Variants in AGBL1 observed in about 807,000 individuals in gnomAD.
AGBL1 encodes the protein AGBL carboxypeptidase 1, also known as cytosolic carboxypeptidase 4.
In AGBL1, 130 loss-of-function variants were observed where a neutral mutation model predicts 118.9. That is an observed-to-expected ratio of 1.09 (90% CI 0.95 to 1.26). The LOEUF (loss-of-function observed/expected upper bound fraction) is 1.26. Among genes scored for constraint, AGBL1 ranks in the 50% most tolerant of loss-of-function variants. The pLI is 0.00. For missense variants in AGBL1, 1,584 were observed against 1,298.1 expected, an observed-to-expected ratio of 1.22 and a Z score of -3.38; for synonymous variants, 555 against 478.9, an observed-to-expected ratio of 1.16 and a Z score of -2.08.
chr15:86,728,056 A>G (rs2142740987), intron 22 of AGBL1, among the ~76,000 whole-genome samples: 1 of 152,344 alleles, frequency 6.6e-6, no homozygotes, highest in South Asian at 2.1e-4. Context: ...TAGCATGTAC[A>G]ATGAACCTAT....
In AGBL1 at chr15:86,247,821, C is replaced by T. The variant is rs1685240184; in HGVS notation, c.677C>T (p.Ser226Phe). 6.2e-7 allele frequency: 1 copy of T among 1,613,858 alleles called. No homozygotes were observed. Among genetic ancestry groups the T allele is most frequent in the Non-Finnish European group, 8.5e-7 (1 of 1,179,900 alleles). ...LCLRHIAALR[S>F]GREAFLAAQG... ...CTCAGGCACATTGCTGCCCTCCGGT[C>T]CGGCAGGGAGGCCTTCCTGGCAGCA... Residue 226 changes from serine (S) to phenylalanine (F), a missense_variant, in exon 7 of 23, where the codon TCC (serine) becomes TTC (phenylalanine). Physicochemically the swap from Ser to Phe is radical, Grantham distance 155. Transcript: ENST00000614907.
intron 24 of AGBL1, among the ~76,000 whole-genome samples, chr15:87,010,272 A>G (rs1003553927): frequency 8.5e-5 from 13 of 152,162 alleles, no homozygotes; most frequent in African/African-American, 3.1e-4. Context: ...TCCCTGCACA[A>G]ACTCTCTTCA....
intron 21 of AGBL1, among the ~76,000 whole-genome samples, chr15:86,653,407 C>T (rs141590988): frequency 2.6e-5 from 4 of 152,282 alleles, no homozygotes; most frequent in African/African-American, 9.6e-5. Flanking sequence ...TTGTATTATT[C>T]TCAAGCCCTA....
chr15:86,942,263 A>G (rs1002125090), intron 23 of AGBL1, among the ~76,000 whole-genome samples: 3 of 152,172 alleles, frequency 2.0e-5, no homozygotes, highest in African/African-American at 7.2e-5. Flanking sequence ...CACCCATAGC[A>G]ATTGTGCTTG....
intron 22 of AGBL1, among the ~76,000 whole-genome samples, chr15:86,692,609 A>AT (rs1041536009): frequency 2.4e-4 from 37 of 151,830 alleles, no homozygotes; most frequent in African/African-American, 6.5e-4. Flanking sequence ...CTTCTTTCAA[A>AT]TTTTTTTTTA....
chr15:86,687,239 C>T (rs1380309730), intron 22 of AGBL1, among the ~76,000 whole-genome samples: 1 of 152,054 alleles, frequency 6.6e-6, no homozygotes, highest in Non-Finnish European at 1.5e-5. Flanking sequence ...CTGCTGTGAG[C>T]CTCAAGAACT....
intron 21 of AGBL1, among the ~76,000 whole-genome samples, chr15:86,589,421 T>C (rs2084301867): frequency 6.6e-6 from 1 of 152,078 alleles, no homozygotes; most frequent in Non-Finnish European, 1.5e-5. Context: ...CCATGATAAA[T>C]GGTTAAATTT....
rs1054641785 is a variant in AGBL1, at chr15:86,446,410, T to G, written c.2555+48864T>G. On this transcript the variant is annotated intron_variant, in intron 18 of 22. Coordinates refer to ENST00000614907, the MANE Select transcript of AGBL1 (RefSeq NM_001386094.1). ...GGAGCATTCTGCAACTTCATTGGCA[T>G]AGCAAGCTGTATTAGAATTGCTCAA... 3.3e-5 allele frequency among the ~76,000 whole-genome samples: 5 copies of G among 152,316 alleles called. No individual in the cohort carries two copies. The East Asian group carries it at 9.7e-4, about 29-fold the overall frequency.
chr15:86,940,289 G>A (rs893076286), intron 23 of AGBL1, among the ~76,000 whole-genome samples: 1 of 151,782 alleles, frequency 6.6e-6, no homozygotes. Flanking sequence ...CTCTTAATTT[G>A]TTGATCTGTA....
At chr15:86,942,927 T>C (rs1285870758) in intron 23 of AGBL1, among the ~76,000 whole-genome samples, 4 of 152,216 alleles carry the variant, frequency 2.6e-5, no homozygotes, top group African/African-American at 9.7e-5. Flanking sequence ...CTTCTAACAC[T>C]GCAGGCACAT....
At chr15:86,144,351 T>C (rs1204433297) in intron 3 of AGBL1, among the ~76,000 whole-genome samples, 1 of 152,198 alleles carries the variant, frequency 6.6e-6, no homozygotes, top group Non-Finnish European at 1.5e-5. Flanking sequence ...AATTCTATTA[T>C]AAAGACACCT....
At chr15:86,849,995 A>G (rs1308613582) in intron 22 of AGBL1, among the ~76,000 whole-genome samples, 1 of 152,202 alleles carries the variant, frequency 6.6e-6, no homozygotes, top group Non-Finnish European at 1.5e-5. Context: ...CTGTTCAGTC[A>G]TTTTGGCCTA....
chr15:86,464,986 C>A (rs1295256071), intron 18 of AGBL1, among the ~76,000 whole-genome samples: 1 of 151,668 alleles, frequency 6.6e-6, no homozygotes, highest in Non-Finnish European at 1.5e-5. Flanking sequence ...TGGATAATAT[C>A]CTGAAGAGTG....
chr15:86,231,969 T>G (rs2078463012), intron 6 of AGBL1, among the ~76,000 whole-genome samples: 1 of 152,040 alleles, frequency 6.6e-6, no homozygotes, highest in Admixed American at 6.5e-5. Context: ...CAGCAAGAGG[T>G]ACCCAGCACA....
intron 22 of AGBL1, among the ~76,000 whole-genome samples, chr15:86,819,444 G>C (rs2078909349): frequency 6.6e-6 from 1 of 151,830 alleles, no homozygotes; most frequent in African/African-American, 2.4e-5. Context: ...AAAGTCTCAG[G>C]ATACAAAATT....
intron 15 of AGBL1, among the ~76,000 whole-genome samples, chr15:86,275,550 C>T (rs909031028): frequency 6.6e-6 from 1 of 152,146 alleles, no homozygotes; most frequent in African/African-American, 2.4e-5. Context: ...CAATGACTTT[C>T]CAGCATATTT....
chr15:86,317,249 C>G (rs2080027035), intron 17 of AGBL1: 1 of 152,162 alleles, frequency 6.6e-6, no homozygotes, highest in Non-Finnish European at 1.5e-5. Context: ...AGCAACCAAT[C>G]ATGATGTCAC....
rs547502705 is a variant in AGBL1, at chr15:86,590,680, C to T, written c.2994+36143C>T. Among the ~76,000 whole-genome samples the T allele has an allele frequency of 5.8e-4, 88 of 152,212 alleles. 1 individual carries two copies. The South Asian group carries it at 0.018, about 31-fold the overall frequency. On this transcript the variant is annotated intron_variant, in intron 21 of 22. Coordinates refer to ENST00000614907, the MANE Select transcript of AGBL1 (RefSeq NM_001386094.1). ...TAGATAGTAAATGTTTCCTTGAGAC[C>T]TTTAAAGGTGTCAGACTCTCAGTTA...
At chr15:86,605,859 G>C (rs1465134703) in intron 21 of AGBL1, among the ~76,000 whole-genome samples, 1 of 152,054 alleles carries the variant, frequency 6.6e-6, no homozygotes, top group Non-Finnish European at 1.5e-5. Flanking sequence ...AGGCATGGTG[G>C]CTCACATCTG....
Sources: allele counts gnomAD v4.1 joint callset (sites outside exome capture counted in the v4.1 genomes callset), GRCh38; gene constraint gnomAD v4.1.1; transcripts MANE v1.5; gene names NCBI Gene and HGNC (gene_info 2026-07-23, HGNC 2026-07-21).